RPRD1B: variants seen among roughly 807,000 people sequenced by gnomAD.
RPRD1B encodes the protein regulation of nuclear pre-mRNA domain containing 1B.
RPRD1B carries 11 observed loss-of-function variants against 41.5 expected under a neutral mutation model. The observed-to-expected ratio is 0.27, with a 90% confidence interval of 0.17 to 0.44. RPRD1B has a LOEUF of 0.44. RPRD1B is among the 20% of genes least tolerant of loss of function. The pLI, the probability that RPRD1B is intolerant of heterozygous loss-of-function variation, is 1.00. For missense variants in RPRD1B, 248 were observed against 389.9 expected (o/e 0.64, Z 3.06); for synonymous variants, 158 against 155.6 (o/e 1.02, Z -0.12).
chr20:38,069,740 A>G (rs2074393098), intron 6 of RPRD1B, among the ~76,000 whole-genome samples: 1 of 152,252 alleles, frequency 6.6e-6, no homozygotes, highest in African/African-American at 2.4e-5. Flanking sequence ...GTTGTCAGTA[A>G]GGAAAATATT....
chr20:38,046,395 A>T (rs1248772835), intron 2 of RPRD1B, among the ~76,000 whole-genome samples: 1 of 152,252 alleles, frequency 6.6e-6, no homozygotes, highest in Non-Finnish European at 1.5e-5. Context: ...TCTGGAAAAG[A>T]TTACAATTTG....
chr20:38,070,083 T>C, intron 6 of RPRD1B: 9 of 439,222 alleles, frequency 2.0e-5, no homozygotes, highest in Non-Finnish European at 2.7e-5. Context: ...AAGAATATGT[T>C]AGTACGGAAA....
rs1172869314 is a variant in RPRD1B, at chr20:38,057,597, T to C, written c.481T>C (p.Tyr161His). ...AATTCAGGAGGAGGAGGATGACGAC[T>C]ACCCTGGCAGCTACTCTCCTCAGGA... ...QQIQEEEDDDYPGSYSPQDPS... is the reference protein window; with the variant it reads ...QQIQEEEDDDHPGSYSPQDPS... Residue 161 changes from tyrosine (Y) to histidine (H), a missense_variant, in exon 4 of 7, where the codon TAC becomes CAC. Coordinates refer to ENST00000373433, the MANE Select transcript of RPRD1B (RefSeq NM_021215.4). 6.2e-7 allele frequency: 1 copy of C among 1,614,172 alleles called. No individual in the cohort carries two copies. The highest frequency in any genetic ancestry group is 1.1e-5 in the South Asian group (1 of 91,080).
chr20:38,089,360 T>G (rs2122778702), intron 6 of RPRD1B, among the ~76,000 whole-genome samples: 1 of 151,958 alleles, frequency 6.6e-6, no homozygotes, highest in Non-Finnish European at 1.5e-5. Context: ...CTAGGTGGAG[T>G]CCGCAAAGAA....
chr20:38,076,793 G>GC (rs886456662), intron 6 of RPRD1B, among the ~76,000 whole-genome samples: 1 of 150,646 alleles, frequency 6.6e-6, no homozygotes, highest in African/African-American at 2.4e-5. Flanking sequence ...TGCATTTCTG[G>GC]TTTCTGTGTA....
chr20:38,072,378 A>G (rs979265005), intron 6 of RPRD1B, among the ~76,000 whole-genome samples: 1 of 152,190 alleles, frequency 6.6e-6, no homozygotes, highest in African/African-American at 2.4e-5. Context: ...ATTAATGTAT[A>G]TGTCTATCCT....
At chr20:38,044,082 A>G (rs1012773003) in intron 2 of RPRD1B, among the ~76,000 whole-genome samples, 1 of 152,218 alleles carries the variant, frequency 6.6e-6, no homozygotes, top group Non-Finnish European at 1.5e-5. Context: ...AGTCATAGTC[A>G]TGGCAGTGAT....
rs2122736979 is a variant in RPRD1B, at chr20:38,066,128, C to T, written c.703C>T (p.Leu235=). 6.2e-7 allele frequency: 1 copy of T among 1,614,204 alleles called. No homozygotes were observed. The highest frequency in any genetic ancestry group is 1.1e-5 in the South Asian group (1 of 91,086). The part of the protein sequence containing the change: ...RLSKTVDEAC[L]LLAEYNGRLA... Reference sequence around the variant, plus strand: ...TTCAAAAACAGTAGATGAAGCATGTCTGTTACTAGCAGAATATAACGGGCG... The same window carrying T: ...TTCAAAAACAGTAGATGAAGCATGTTTGTTACTAGCAGAATATAACGGGCG... The change falls in exon 6 of 7, where the codon CTG becomes TTG. Residue 235 remains leucine, a synonymous_variant. Coordinates refer to ENST00000373433, the MANE Select transcript of RPRD1B (RefSeq NM_021215.4).
Position 38,066,177 on chromosome 20 carries a change from G to A in RPRD1B, c.752G>A (p.Arg251His), listed in dbSNP as rs142418683. 47 of 1,614,216 alleles carry A rather than the reference G, an allele frequency of 2.9e-5. No individual in the cohort carries two copies. The highest frequency in any genetic ancestry group is 8.8e-5 in the South Asian group (8 of 91,084). The change falls in exon 6 of 7, where the codon CGT becomes CAT. Residue 251 changes from arginine to histidine, a missense_variant. This residue lies in a region of RPRD1B where 93 missense variants were observed against 167.2 expected (regional missense o/e 0.56). Transcript: ENST00000373433. ...CGCCTGGCAGCAGAACTGGAGGACC[G>A]TCGCCAGCTGGCTCGGATGTTGGTG... ...NGRLAAELED[R>H]RQLARMLVEY...
At chr20:38,070,119 A>G in intron 6 of RPRD1B, 1 of 806,388 alleles carries the variant, frequency 1.2e-6, no homozygotes. Context: ...AAGTTTCTGT[A>G]GGTTTTCTCC....
At chr20:38,059,819 G>T (rs546876441) in intron 5 of RPRD1B, among the ~76,000 whole-genome samples, 39 of 152,226 alleles carry the variant, frequency 2.6e-4, no homozygotes, top group African/African-American at 8.7e-4. Flanking sequence ...TGGGGTGGGT[G>T]GGGGAGATTA....
intron 1 of RPRD1B, among the ~76,000 whole-genome samples, chr20:38,038,583 G>A (rs779139966): frequency 2.3e-5 from 3 of 131,958 alleles, no homozygotes; most frequent in Non-Finnish European, 3.1e-5. Context: ...TGCAAGCTCC[G>A]CCTCCTGGGC....
At chr20:38,071,144 T>TA (rs1408246051) in intron 6 of RPRD1B, among the ~76,000 whole-genome samples, 1 of 152,248 alleles carries the variant, frequency 6.6e-6, no homozygotes, top group Non-Finnish European at 1.5e-5. Flanking sequence ...ACAAAGATGA[T>TA]ATGCCACACA....
intron 3 of RPRD1B, among the ~76,000 whole-genome samples, chr20:38,049,095 C>T (rs929590725): frequency 4.0e-5 from 6 of 151,896 alleles, no homozygotes; most frequent in Admixed American, 6.6e-5. Flanking sequence ...GATTCAGGCA[C>T]CTGCCACAAC....
At chr20:38,066,719 G>A (rs536122320) in intron 6 of RPRD1B, among the ~76,000 whole-genome samples, 48 of 151,976 alleles carry the variant, frequency 3.2e-4, no homozygotes, top group Non-Finnish European at 4.0e-4. Flanking sequence ...GCAGCGGTGC[G>A]ATCTCGGCTC....
Position 38,080,863 on chromosome 20 carries a change from A to G in RPRD1B, c.832-8863A>G, listed in dbSNP as rs117557743. ...ATTTCTGAGTTCTCTACCCTGTTCCATTGGTCTTTGTATCTGTTTTTGTAC... is the reference window on the plus strand; with the variant it reads ...ATTTCTGAGTTCTCTACCCTGTTCCGTTGGTCTTTGTATCTGTTTTTGTAC... On this transcript the variant is annotated intron_variant, in intron 6 of 6. Transcript: ENST00000373433. Among the ~76,000 whole-genome samples the G allele has an allele frequency of 2.0e-5, 3 of 152,180 alleles. No homozygotes were observed. The East Asian group carries it at 5.8e-4, about 29-fold the overall frequency.
At chr20:38,038,372 C>T (rs1378523145) in intron 1 of RPRD1B, among the ~76,000 whole-genome samples, 1 of 149,498 alleles carries the variant, frequency 6.7e-6, no homozygotes, top group Non-Finnish European at 1.5e-5. Context: ...GCAGTTGGCG[C>T]GATCTCGGCT....
At position 38,091,360 on chromosome 20, in the gene RPRD1B, C is replaced by G; in HGVS notation, c.*1485C>G. The G allele has an allele frequency of 4.1e-6, 4 of 985,450 alleles. No individual in the cohort carries two copies. The highest frequency in any genetic ancestry group is 4.8e-6 in the Non-Finnish European group (4 of 829,874). 61.0% of individuals were successfully genotyped at this position (985,450 alleles called of 1,614,324 possible). A position where few individuals can be genotyped will look rare whatever the true frequency, so the allele number is the denominator to read the frequency against. The stretch of plus-strand genomic sequence containing the variant: ...TATGTTTATAAAGCATAACGGGCTT[C>G]CCTTCCAGAAGCTCTCCTGCTTGTC... On this transcript the variant is annotated 3_prime_UTR_variant, in exon 7 of 7. Transcript: ENST00000373433.
chr20:38,044,408 C>G lies in RPRD1B; in HGVS notation c.281+3844C>G, dbSNP rs1011219127. On this transcript the variant is annotated intron_variant, in intron 2 of 6. Coordinates refer to ENST00000373433, the MANE Select transcript of RPRD1B (RefSeq NM_021215.4). ...TTTTTTTTTGAGACGGAGTCTCACTCTGTCGCCCAGGCTGGAGTGCAGTGG... is the reference window on the plus strand; with the variant it reads ...TTTTTTTTTGAGACGGAGTCTCACTGTGTCGCCCAGGCTGGAGTGCAGTGG... Among the ~76,000 whole-genome samples, 8 of 138,212 alleles carry G rather than the reference C, an allele frequency of 5.8e-5. No individual in the cohort carries two copies. The South Asian group carries it at 9.5e-4, about 16-fold the overall frequency. The allele number at this position is 138,212 out of a possible 152,430, so 90.7% of individuals were successfully genotyped here.
Sources: allele counts gnomAD v4.1 joint callset (sites outside exome capture counted in the v4.1 genomes callset), GRCh38; gene constraint gnomAD v4.1.1; regional missense constraint gnomAD v4.1.1; transcripts MANE v1.5; gene names NCBI Gene and HGNC (gene_info 2026-07-23, HGNC 2026-07-21).